TMIGD3: variants seen among roughly 807,000 people sequenced by gnomAD.
TMIGD3 encodes AD026 protein (AD026).
A neutral mutation model predicts 28.1 loss-of-function variants in TMIGD3; 21 were observed. The observed-to-expected ratio is 0.75, with a 90% confidence interval of 0.53 to 1.08. The LOEUF (loss-of-function observed/expected upper bound fraction) is 1.08. Among genes scored for constraint, TMIGD3 ranks in the 50% least tolerant of loss-of-function variants. The pLI, the probability that TMIGD3 is intolerant of heterozygous loss-of-function variation, is 0.00. For synonymous variants in TMIGD3, 151 were observed against 162.1 expected (o/e 0.93, Z 0.52); for missense variants, 416 against 435.6 (o/e 0.96, Z 0.40).
chr1:111,507,127 A>G (rs1655536045), upstream of TMIGD3, among the ~76,000 whole-genome samples: 1 of 150,842 alleles, frequency 6.6e-6, no homozygotes, highest in South Asian at 2.1e-4. Context: ...GCTGTTTTCA[A>G]TTTTACTAGA....
intron 1 of TMIGD3, among the ~76,000 whole-genome samples, chr1:111,563,215 C>T (rs985928749): frequency 2.6e-5 from 4 of 152,064 alleles, no homozygotes; most frequent in South Asian, 2.1e-4. Context: ...GTTGAGGCCA[C>T]GATGAGCCAT....
At chr1:111,508,107 G>A (rs1655573188), upstream of TMIGD3, among the ~76,000 whole-genome samples, 1 of 152,256 alleles carries the variant, frequency 6.6e-6, no homozygotes, top group South Asian at 2.1e-4. Flanking sequence ...TGGAAAGGGA[G>A]GTCAAGGTTC....
intron 1 of TMIGD3, among the ~76,000 whole-genome samples, chr1:111,514,668 A>AC (rs71099912): frequency 6.7e-6 from 1 of 150,308 alleles, no homozygotes; most frequent in Non-Finnish European, 1.5e-5. Context: ...ACACACACAC[A>AC]TCATACCATG....
chr1:111,509,998 C>T (rs1199773756), intron 1 of TMIGD3, among the ~76,000 whole-genome samples: 1 of 152,256 alleles, frequency 6.6e-6, no homozygotes, highest in East Asian at 1.9e-4. Flanking sequence ...CACACAAAAA[C>T]AGTCCAATAT....
At position 111,483,404 on chromosome 1, in the gene TMIGD3, T is replaced by C. The variant is rs1654214300; in HGVS notation, c.*283A>G. The stretch of plus-strand genomic sequence containing the variant: ...TAACAAAATACAAGTGATTTCCTGG[T>C]CCCCAATCCAGATTCTCCACCTCTT... On this transcript the variant is annotated 3_prime_UTR_variant, in exon 6 of 6. Coordinates refer to ENST00000369716, the MANE Select transcript of TMIGD3 (RefSeq NM_020683.7). The C allele has an allele frequency of 2.7e-6, 1 of 371,350 alleles. No homozygotes were observed. The highest frequency in any genetic ancestry group is 2.1e-5 in the African/African-American group (1 of 47,816). The allele number at this position is 371,350 out of a possible 1,614,324, so 23.0% of individuals were successfully genotyped here.
At position 111,483,378 on chromosome 1, in the gene TMIGD3, C is replaced by T; in HGVS notation, c.*309G>A. Reference sequence around the variant, plus strand: ...TCAACACTGGCTAGGAATTTATTGGCTAACAAAATACAAGTGATTTCCTGG... The same window carrying T: ...TCAACACTGGCTAGGAATTTATTGGTTAACAAAATACAAGTGATTTCCTGG... On this transcript the variant is annotated 3_prime_UTR_variant, in exon 6 of 6. Coordinates refer to ENST00000369716, the MANE Select transcript of TMIGD3 (RefSeq NM_020683.7). 1 of 324,974 alleles carries T rather than the reference C, an allele frequency of 3.1e-6. No individual in the cohort carries two copies. Among genetic ancestry groups the T allele is most frequent in the Non-Finnish European group, 5.8e-6 (1 of 173,184 alleles). The allele number at this position is 324,974 out of a possible 1,614,324, so 20.1% of individuals were successfully genotyped here. A position where few individuals can be genotyped will look rare whatever the true frequency, so the allele number is the denominator to read the frequency against.
chr1:111,507,033 G>GTA (rs1376089822), upstream of TMIGD3, among the ~76,000 whole-genome samples: 1 of 37,160 alleles, frequency 2.7e-5, no homozygotes, highest in African/African-American at 5.5e-5. Flanking sequence ...GTGTGTGTGT[G>GTA]TGTGTGTATA....
intron 3 of TMIGD3, among the ~76,000 whole-genome samples, chr1:111,487,066 C>G (rs2800908): frequency 0.8 from 122,238 of 152,196 alleles, 49,112 homozygotes; most frequent in Middle Eastern, 0.89. Flanking sequence ...CTGCTCATTT[C>G]GTGATGTAAT....
chr1:111,496,413 A>G (rs1017017998), intron 1 of TMIGD3, among the ~76,000 whole-genome samples: 1 of 152,198 alleles, frequency 6.6e-6, no homozygotes. Context: ...AAAAAAATTA[A>G]TCGGACGGCC....
chr1:111,516,443 C>G (rs2100999120), intron 1 of TMIGD3, among the ~76,000 whole-genome samples: 2 of 152,284 alleles, frequency 1.3e-5, no homozygotes, highest in South Asian at 4.1e-4. Flanking sequence ...TGCCAAGACC[C>G]CTTCTTCTCC....
chr1:111,483,406 C>T lies in TMIGD3; in HGVS notation c.*281G>A. On this transcript the variant is annotated 3_prime_UTR_variant, in exon 6 of 6. Coordinates refer to ENST00000369716, the MANE Select transcript of TMIGD3 (RefSeq NM_020683.7). ...ACAAAATACAAGTGATTTCCTGGTC[C>T]CCAATCCAGATTCTCCACCTCTTCT... 5.3e-6 allele frequency: 2 copies of T among 375,568 alleles called. No homozygotes were observed. Among genetic ancestry groups the T allele is most frequent in the South Asian group, 6.2e-5 (2 of 32,080 alleles). 23.3% of individuals were successfully genotyped at this position (375,568 alleles called of 1,614,324 possible). A position where few individuals can be genotyped will look rare whatever the true frequency, so the allele number is the denominator to read the frequency against.
At chr1:111,536,765 A>G (rs1302957415) in intron 1 of TMIGD3, among the ~76,000 whole-genome samples, 1 of 151,958 alleles carries the variant, frequency 6.6e-6, no homozygotes, top group Non-Finnish European at 1.5e-5. Context: ...GCATGTATTC[A>G]TCTCCTTCCC....
intron 1 of TMIGD3, among the ~76,000 whole-genome samples, chr1:111,555,675 C>G (rs1258758220): frequency 6.6e-6 from 1 of 152,066 alleles, no homozygotes; most frequent in Non-Finnish European, 1.5e-5. Context: ...GAGATACTGT[C>G]TTTTCAACAA....
At chr1:111,528,423 T>C (rs1656341369) in intron 1 of TMIGD3, among the ~76,000 whole-genome samples, 1 of 152,238 alleles carries the variant, frequency 6.6e-6, no homozygotes, top group Non-Finnish European at 1.5e-5. Flanking sequence ...TATAGCTTTA[T>C]AGTGAGTCTT....
In TMIGD3 at chr1:111,503,227, A is replaced by G; in HGVS notation, c.128T>C (p.Leu43Pro). Residue 43 changes from leucine (L) to proline (P), a missense_variant, in exon 1 of 6, where the codon CTG (leucine) becomes CCG (proline). Physicochemically the swap from Leu to Pro is moderately conservative, Grantham distance 98. Transcript: ENST00000369716. ...VICVVKLNPS[L>P]QTTTFYFIVS... ...AATGAAATAGAAGGTGGTGGTCTGC[A>G]GGCTGGGGTTCAGCTTGACCACGCA... 6.2e-7 allele frequency: 1 copy of G among 1,614,230 alleles called. No homozygotes were observed.
At chr1:111,525,987 C>G (rs772461286) in intron 1 of TMIGD3, among the ~76,000 whole-genome samples, 2 of 152,282 alleles carry the variant, frequency 1.3e-5, no homozygotes, top group East Asian at 3.9e-4. Flanking sequence ...TTATTGATAT[C>G]ATTGGATTTA....
At chr1:111,517,670 G>A (rs1279064726) in intron 1 of TMIGD3, among the ~76,000 whole-genome samples, 1 of 152,154 alleles carries the variant, frequency 6.6e-6, no homozygotes, top group Non-Finnish European at 1.5e-5. Context: ...GACTGAAAGA[G>A]GTTAATAAAA....
At position 111,503,546 on chromosome 1, in the gene TMIGD3, G is replaced by A; in HGVS notation, c.-192C>T. ...TTGGAAACCCTTCTCCTTAGAAAGG[G>A]CTCATCACAGGTGGGTCACTTCCAG... is the stretch of plus-strand genomic sequence containing the variant. On this transcript the variant is annotated 5_prime_UTR_variant, in exon 1 of 6. Coordinates refer to ENST00000369716, the MANE Select transcript of TMIGD3 (RefSeq NM_020683.7). 4 of 1,409,972 alleles carry A rather than the reference G, an allele frequency of 2.8e-6. No individual in the cohort carries two copies. The highest frequency in any genetic ancestry group is 3.7e-6 in the Non-Finnish European group (4 of 1,084,174). The allele number at this position is 1,409,972 out of a possible 1,614,324, so 87.3% of individuals were successfully genotyped here. A position where few individuals can be genotyped will look rare whatever the true frequency, so the allele number is the denominator to read the frequency against.
chr1:111,515,426 G>A (rs992725787), intron 1 of TMIGD3, among the ~76,000 whole-genome samples: 1 of 152,184 alleles, frequency 6.6e-6, no homozygotes. Context: ...GGAAGGAGTC[G>A]CCGCTGAGAG....
Sources: allele counts gnomAD v4.1 joint callset (sites outside exome capture counted in the v4.1 genomes callset), GRCh38; gene constraint gnomAD v4.1.1; transcripts MANE v1.5; gene names NCBI Gene and HGNC (gene_info 2026-07-23, HGNC 2026-07-21).